Variants in SGO2 observed in about 807,000 individuals in gnomAD.
The protein encoded by SGO2 is shugoshin 2, also known as shugoshin-like 2.
Under a neutral mutation model 99.5 loss-of-function variants are expected in SGO2, and 68 were observed. That is an observed-to-expected ratio of 0.68 (90% CI 0.56 to 0.84). The LOEUF (loss-of-function observed/expected upper bound fraction) is 0.84. Among genes scored for constraint, SGO2 ranks in the 40% least tolerant of loss-of-function variants. SGO2 has a pLI of 0.00. For missense variants in SGO2, 1,350 were observed against 1,436.7 expected (o/e 0.94, Z 0.97); for synonymous variants, 457 against 487.1 (o/e 0.94, Z 0.81).
At chr2:200,533,731 T>C (rs2031548087) in intron 2 of SGO2, among the ~76,000 whole-genome samples, 1 of 151,912 alleles carries the variant, frequency 6.6e-6, no homozygotes, top group Admixed American at 6.6e-5. Context: ...TTAGCAGGAG[T>C]TGGGGAGGTA....
chr2:200,570,513 C>A lies in SGO2; in HGVS notation c.704-537C>A, dbSNP rs1444856513. Among the ~76,000 whole-genome samples the A allele has an allele frequency of 1.3e-5, 1 of 79,420 alleles. No homozygotes were observed. The highest frequency in any genetic ancestry group is 2.8e-5 in the Non-Finnish European group (1 of 35,532). 52.1% of individuals were successfully genotyped at this position (79,420 alleles called of 152,430 possible). ...GTGTGTGTGTGTGTGTGTGTGTGGG[C>A]ATATGTATATGTATATAATATATAC... On this transcript the variant is annotated intron_variant, in intron 6 of 8. Coordinates refer to ENST00000357799, the MANE Select transcript of SGO2 (RefSeq NM_152524.6). This position sits in a 1 kb window ranked among gnomAD's most constrained non-coding sequence, Gnocchi z 4.4.
At chr2:200,553,667 A>C (rs2032589944) in intron 5 of SGO2, among the ~76,000 whole-genome samples, 1 of 152,210 alleles carries the variant, frequency 6.6e-6, no homozygotes, top group African/African-American at 2.4e-5. Flanking sequence ...TATTTGTATA[A>C]AGTGCAGCAA....
At chr2:200,553,540 C>G (rs2032583493) in intron 5 of SGO2, among the ~76,000 whole-genome samples, 1 of 152,186 alleles carries the variant, frequency 6.6e-6, no homozygotes, top group South Asian at 2.1e-4. Flanking sequence ...ACAGGTGTAT[C>G]ATAGTGCTTG....
rs759375685 is a variant in SGO2, at chr2:200,573,590, A to G, written c.3244A>G (p.Arg1082Gly). 1 of 1,605,488 alleles carries G rather than the reference A, an allele frequency of 6.2e-7. No individual in the cohort carries two copies. Among genetic ancestry groups the G allele is most frequent in the South Asian group, 1.1e-5 (1 of 88,692 alleles). Residue 1082 changes from arginine (R) to glycine (G), a missense_variant, in exon 7 of 9, where the codon AGG becomes GGG. By Grantham distance (125) the Arg-to-Gly change is moderately radical (BLOSUM62 -2). Coordinates refer to ENST00000357799, the MANE Select transcript of SGO2 (RefSeq NM_152524.6). ...VNKMTSKSKK[R>G]KTSIDPSPES... ...TAAAATGACATCTAAGTCAAAGAAA[A>G]GGAAGACCTCCATAGATCCTTCTCC...
chr2:200,536,308 T>C (rs2031688943), intron 4 of SGO2, among the ~76,000 whole-genome samples, 166 bp downstream of exon 4: 1 of 152,128 alleles, frequency 6.6e-6, no homozygotes, highest in Non-Finnish European at 1.5e-5. Context: ...TTTTGTATAA[T>C]TGGTTATTGA....
chr2:200,573,942 T>G lies in SGO2; in HGVS notation c.3596T>G (p.Phe1199Cys). 3 of 1,599,884 alleles carry G rather than the reference T, an allele frequency of 1.9e-6. No individual in the cohort carries two copies. Among genetic ancestry groups the G allele is most frequent in the Non-Finnish European group, 2.6e-6 (3 of 1,175,778 alleles). Residue 1199 changes from phenylalanine to cysteine, a missense_variant, in exon 7 of 9, where the codon TTT (phenylalanine) becomes TGT (cysteine). Physicochemically the swap from Phe to Cys is radical, Grantham distance 205. Transcript: ENST00000357799. The part of the protein sequence containing the change: ...DEHEKMNKMK[F>C]KVNRRTQKSG... ...CATGAGAAGATGAACAAGATGAAAT[T>G]TAAAGTCAACCGGAGAACCCAAAAA... is the stretch of plus-strand genomic sequence containing the variant.
chr2:200,572,267 C>T lies in SGO2; in HGVS notation c.1921C>T (p.Leu641=), dbSNP rs764280749. 16 of 1,609,492 alleles carry T rather than the reference C, an allele frequency of 9.9e-6. No homozygotes were observed. Among genetic ancestry groups the T allele is most frequent in the Non-Finnish European group, 1.4e-5 (16 of 1,178,770 alleles). The change falls in exon 7 of 9, where the codon CTA becomes TTA. Residue 641 remains leucine (L), a synonymous_variant. Coordinates refer to ENST00000357799, the MANE Select transcript of SGO2 (RefSeq NM_152524.6). ...EDNDKDVVHG[L]KKGNFFFKTQ... ...TAATGATAAAGATGTGGTGCATGGC[C>T]TAAAAAAAGGTAATTTTTTTTTCAA...
chr2:200,536,256 TGA>T (rs1160923408), intron 4 of SGO2, 114 bp downstream of exon 4: 5 of 565,022 alleles, frequency 8.8e-6, no homozygotes, highest in Non-Finnish European at 1.6e-5. Flanking sequence ...TGCAAAGGAC[TGA>T]TGATAATATC....
Position 200,572,798 on chromosome 2 carries a change from A to G in SGO2, c.2452A>G (p.Ile818Val), listed in dbSNP as rs753461976. ...ACTAAATGTATGTCAAAAGTCAGAA[A>G]TAATTCCTGAAACCAACCAAATATA... ...PRLNVCQKSE[I>V]IPETNQIYEN... is the part of the protein sequence containing the mutation. Residue 818 changes from isoleucine to valine, a missense_variant, in exon 7 of 9, where the codon ATA (isoleucine) becomes GTA (valine). Physicochemically the swap from Ile to Val is conservative, Grantham distance 29. Transcript: ENST00000357799. 4 of 1,612,554 alleles carry G rather than the reference A, an allele frequency of 2.5e-6. No individual in the cohort carries two copies. The highest frequency in any genetic ancestry group is 2.7e-5 in the African/African-American group (2 of 74,866).
In SGO2 at chr2:200,572,175, A is replaced by G. The variant is rs1336824605; in HGVS notation, c.1829A>G (p.Asn610Ser). Residue 610 changes from asparagine to serine, a missense_variant, in exon 7 of 9, where the codon AAT becomes AGT. Transcript: ENST00000357799. ...TCAGAGCAAAATGAATCAAACATTAATAAGCTTAGAAAGAAAGTAAACCGG... is the reference window on the plus strand; with the variant it reads ...TCAGAGCAAAATGAATCAAACATTAGTAAGCTTAGAAAGAAAGTAAACCGG... Reference protein sequence around the residue: ...QPSEQNESNINKLRKKVNRKT... With the variant: ...QPSEQNESNISKLRKKVNRKT... 7 of 1,612,626 alleles carry G rather than the reference A, an allele frequency of 4.3e-6. No homozygotes were observed. Among genetic ancestry groups the G allele is most frequent in the Non-Finnish European group, 5.9e-6 (7 of 1,179,490 alleles).
chr2:200,567,679 G>T (rs1425959641), intron 5 of SGO2, among the ~76,000 whole-genome samples: 1 of 152,150 alleles, frequency 6.6e-6, no homozygotes, highest in Non-Finnish European at 1.5e-5. Flanking sequence ...GGCCATTTTG[G>T]ATATTTCATA....
In SGO2 at chr2:200,572,701, T is replaced by C. The variant is rs768404475; in HGVS notation, c.2355T>C (p.Val785=). 65 of 1,612,556 alleles carry C rather than the reference T, an allele frequency of 4.0e-5. No homozygotes were observed. The highest frequency in any genetic ancestry group is 5.2e-5 in the Non-Finnish European group (61 of 1,179,370). The part of the protein sequence containing the change: ...GNLYDSEIQN[V]LGVKHGHDMQ... ...TGTATGATTCTGAGATTCAAAATGT[T>C]TTGGGGGTGAAACATGGCCATGATA... Residue 785 remains valine (V), a synonymous_variant, in exon 7 of 9, where the codon GTT becomes GTC. Coordinates refer to ENST00000357799, the MANE Select transcript of SGO2 (RefSeq NM_152524.6).
rs773815364 is a variant in SGO2 at position 200,533,122 on chromosome 2, G to A, written c.133+14G>A. 6.4e-7 allele frequency: 1 copy of A among 1,553,678 alleles called. No homozygotes were observed. The highest frequency in any genetic ancestry group is 1.2e-5 in the South Asian group (1 of 81,872). On this transcript the variant is annotated intron_variant, in intron 2 of 8. Coordinates refer to ENST00000357799, the MANE Select transcript of SGO2 (RefSeq NM_152524.6). ...CAAAAATACTAAGTAAGTGCCATCA[G>A]TTTTAAAATACACTCACGTTTTAAC... is the stretch of plus-strand genomic sequence containing the variant.
In SGO2 at chr2:200,570,784, G is replaced by T. The variant is rs2033381666; in HGVS notation, c.704-266G>T. Among the ~76,000 whole-genome samples the T allele has an allele frequency of 1.3e-5, 2 of 151,854 alleles. No homozygotes were observed. The highest frequency in any genetic ancestry group is 2.9e-5 in the Non-Finnish European group (2 of 67,846). ...ATGTATGCTAATGGTTCTACTGTTG[G>T]CTGTACTCCACTCTACTGTTGGGGC... On this transcript the variant is annotated intron_variant, in intron 6 of 8. Transcript: ENST00000357799. This position sits in a 1 kb window ranked among gnomAD's most constrained non-coding sequence, Gnocchi z 4.4.
rs2033613351 is a variant in SGO2 at position 200,575,311 on chromosome 2, G to A, written c.3632G>A (p.Gly1211Asp). The change falls in exon 8 of 9, where the codon GGT becomes GAT. Residue 1211 changes from glycine (G) to aspartate (D), a missense_variant and splice_region_variant. Transcript: ENST00000357799. ...TGTGAAAAATAATATTCTTTTTCAG[G>A]TGATAGACCATTACAGGACTTGTCA... The part of the protein sequence containing the change: ...VNRRTQKSGI[G>D]DRPLQDLSNT... 9 of 1,547,120 alleles carry A rather than the reference G, an allele frequency of 5.8e-6. No individual in the cohort carries two copies. The East Asian group carries it at 6.8e-5, about 12-fold the overall frequency.
chr2:200,541,629 A>G (rs2031962918), intron 4 of SGO2, among the ~76,000 whole-genome samples: 1 of 152,164 alleles, frequency 6.6e-6, no homozygotes, highest in African/African-American at 2.4e-5. Flanking sequence ...CCAACTGACT[A>G]TCTCATAAAA....
chr2:200,576,861 A>G (rs1475031481), intron 8 of SGO2, among the ~76,000 whole-genome samples: 3 of 152,164 alleles, frequency 2.0e-5, no homozygotes, highest in Non-Finnish European at 4.4e-5. Flanking sequence ...ATATCATAGC[A>G]TGTATCAGTA....
In SGO2 at chr2:200,572,450, C is replaced by G; in HGVS notation, c.2104C>G (p.Gln702Glu). 6.2e-7 allele frequency: 1 copy of G among 1,613,188 alleles called. No individual in the cohort carries two copies. The change falls in exon 7 of 9, where the codon CAG (glutamine) becomes GAG (glutamate). Residue 702 changes from glutamine (Q) to glutamate (E), a missense_variant. Transcript: ENST00000357799. ...GCAGATCACCAATATGTACCCCGTT[C>G]AGCAAAATGAATCAAAAGTTAATAA... is the stretch of plus-strand genomic sequence containing the variant. The part of the protein sequence containing the change: ...QKQITNMYPV[Q>E]QNESKVNKKL...
chr2:200,559,900 T>C (rs2032874284), intron 5 of SGO2, among the ~76,000 whole-genome samples: 1 of 152,234 alleles, frequency 6.6e-6, no homozygotes, highest in Admixed American at 6.5e-5. Flanking sequence ...AATTAGGGAC[T>C]ATAGTTAAAA....
Sources: gnomAD v4.1 joint callset for allele counts (sites outside exome capture counted in the v4.1 genomes callset) on GRCh38, gnomAD v4.1.1 for gene constraint, Gnocchi (gnomAD v3.1) non-coding constraint, MANE v1.5 for transcripts, NCBI Gene and HGNC (gene_info 2026-07-23, HGNC 2026-07-21) for gene names.